PTPRR: variants seen among roughly 807,000 people sequenced by gnomAD.
The protein encoded by PTPRR is protein tyrosine phosphatase receptor type R, also known as receptor-type tyrosine-protein phosphatase R.
Under a neutral mutation model 77.2 loss-of-function variants are expected in PTPRR, and 38 were observed. The ratio of observed to expected loss-of-function variants is 0.49; its 90% CI spans 0.38 to 0.65. The LOEUF is 0.65. Among genes scored for constraint, PTPRR ranks in the 30% least tolerant of loss-of-function variants. PTPRR has a pLI of 0.00. For missense variants in PTPRR, 744 were observed against 799.2 expected (o/e 0.93, Z 0.83); for synonymous variants, 299 against 283.1 (o/e 1.06, Z -0.57).
Position 70,899,243 on chromosome 12 carries a change from C to A in PTPRR, c.59-6266G>T, listed in dbSNP as rs73333921. Among the ~76,000 whole-genome samples the A allele has an allele frequency of 5.4e-3, 820 of 151,180 alleles. 14 individuals carry two copies. Among genetic ancestry groups the A allele is most frequent in the African/African-American group, 0.018 (756 of 41,372 alleles). On this transcript the variant is annotated intron_variant, in intron 1 of 13. Coordinates refer to ENST00000283228, the MANE Select transcript of PTPRR (RefSeq NM_002849.4). ...GATGAAGCCAAAATTACCCTGATAACAAAAGCAGATAGAGACAATCCTAAA... is the reference window on the plus strand; with the variant it reads ...GATGAAGCCAAAATTACCCTGATAAAAAAAGCAGATAGAGACAATCCTAAA...
At chr12:70,660,705 C>G (rs552167597) in intron 12 of PTPRR, among the ~76,000 whole-genome samples, 2 of 152,318 alleles carry the variant, frequency 1.3e-5, no homozygotes, top group African/African-American at 4.8e-5. Flanking sequence ...TTATTACGAA[C>G]TTGTATTTCG....
chr12:70,774,517 A>G (rs913317724), intron 2 of PTPRR, among the ~76,000 whole-genome samples: 31 of 152,176 alleles, frequency 2.0e-4, no homozygotes, highest in Admixed American at 1.7e-3. Flanking sequence ...TAGACTACCC[A>G]ACTATAGTGA....
chr12:70,884,906 G>T (rs1015249087), intron 2 of PTPRR, among the ~76,000 whole-genome samples: 2 of 135,164 alleles, frequency 1.5e-5, no homozygotes, highest in African/African-American at 6.4e-5. Flanking sequence ...AGTTTTGCAG[G>T]CTCCAACATA....
rs140468259 is a variant in PTPRR at position 70,748,759 on chromosome 12, C to T, written c.739-2673G>A. Among the ~76,000 whole-genome samples the T allele has an allele frequency of 8.2e-3, 1,253 of 152,248 alleles. 17 individuals carry two copies. Among genetic ancestry groups the T allele is most frequent in the Non-Finnish European group, 0.013 (888 of 68,012 alleles). ...TGTCAAATGTGTTCAGATTTCAAAA[C>T]GATGCCACCAACCACTAGTCTTTAA... On this transcript the variant is annotated intron_variant, in intron 5 of 13. Coordinates refer to ENST00000283228, the MANE Select transcript of PTPRR (RefSeq NM_002849.4).
chr12:70,901,759 T>C (rs1893538157), intron 1 of PTPRR, among the ~76,000 whole-genome samples: 1 of 151,730 alleles, frequency 6.6e-6, no homozygotes, highest in Admixed American at 6.6e-5. Flanking sequence ...TAGTTGGGAC[T>C]TAATCATTAA....
At chr12:70,812,949 T>A (rs950852165) in intron 2 of PTPRR, among the ~76,000 whole-genome samples, 1 of 152,248 alleles carries the variant, frequency 6.6e-6, no homozygotes, top group Admixed American at 6.5e-5. Context: ...TTCTGCTTTC[T>A]GAAAATCAAT....
chr12:70,658,400 G>C (rs1183960465), intron 12 of PTPRR, among the ~76,000 whole-genome samples: 1 of 152,228 alleles, frequency 6.6e-6, no homozygotes, highest in Admixed American at 6.5e-5. Flanking sequence ...TTGAATGTGA[G>C]TGCAGAGGAA....
chr12:70,764,610 A>T, intron 3 of PTPRR, 55 bp downstream of exon 3: 1 of 1,434,648 alleles, frequency 7.0e-7, no homozygotes, highest in Non-Finnish European at 9.8e-7. Flanking sequence ...TTTAGTGATT[A>T]AAAAAACCAC....
At chr12:70,663,587 A>G (rs763128423) in intron 10 of PTPRR, among the ~76,000 whole-genome samples, 1 of 152,226 alleles carries the variant, frequency 6.6e-6, no homozygotes, top group Non-Finnish European at 1.5e-5. Context: ...ATCATTATTA[A>G]ATAAAAATTG....
At chr12:70,907,946 G>A (rs554386707) in intron 1 of PTPRR, among the ~76,000 whole-genome samples, 14 of 152,308 alleles carry the variant, frequency 9.2e-5, no homozygotes, top group African/African-American at 3.4e-4. Context: ...GAAATCACAG[G>A]AGTTCAGTTC....
intron 13 of PTPRR, among the ~76,000 whole-genome samples, chr12:70,650,427 C>CA (rs1393354081): frequency 4.0e-5 from 6 of 150,172 alleles, no homozygotes; most frequent in Non-Finnish European, 7.4e-5. Flanking sequence ...AATTCCATCT[C>CA]AAAAAAACAA....
chr12:70,802,110 T>C (rs368401098), intron 2 of PTPRR, among the ~76,000 whole-genome samples: 2 of 152,188 alleles, frequency 1.3e-5, no homozygotes, highest in African/African-American at 4.8e-5. Context: ...CCCTCTACTT[T>C]AGCTCCTTTT....
chr12:70,891,710 G>GA (rs1427296020), intron 2 of PTPRR, among the ~76,000 whole-genome samples: 1 of 151,952 alleles, frequency 6.6e-6, no homozygotes, highest in Non-Finnish European at 1.5e-5. Context: ...TGAAAACATT[G>GA]ACGAATGGAA....
chr12:70,744,784 G>A (rs1890159617), intron 6 of PTPRR, among the ~76,000 whole-genome samples: 1 of 152,140 alleles, frequency 6.6e-6, no homozygotes, highest in Non-Finnish European at 1.5e-5. Flanking sequence ...ATGAACCTGG[G>A]ATATTACTTT....
intron 1 of PTPRR, among the ~76,000 whole-genome samples, chr12:70,911,420 C>T (rs1191342088): frequency 2.0e-5 from 3 of 152,094 alleles, no homozygotes; most frequent in Non-Finnish European, 4.4e-5. Flanking sequence ...GAAGATGTAT[C>T]CTAGGACAAG....
At chr12:70,672,869 T>C (rs763697639) in intron 10 of PTPRR, 1 of 1,559,184 alleles carries the variant, frequency 6.4e-7, no homozygotes, top group Admixed American at 1.7e-5. Context: ...TGATGGCTCC[T>C]GCACAGGCCC....
At position 70,768,777 on chromosome 12, in the gene PTPRR, C is replaced by T. The variant is rs532166228; in HGVS notation, c.358-3999G>A. Among the ~76,000 whole-genome samples the T allele has an allele frequency of 5.3e-4, 80 of 151,864 alleles. No individual in the cohort carries two copies. In the South Asian group the frequency reaches 0.013, roughly 25 times the overall value. On this transcript the variant is annotated intron_variant, in intron 2 of 13. Coordinates refer to ENST00000283228, the MANE Select transcript of PTPRR (RefSeq NM_002849.4). ...AATCCTCAATAAAATACGGGCAAAC[C>T]GAATCCAGCAGCACATCAAAAAGCT...
At chr12:70,843,165 C>T (rs1009618168) in intron 2 of PTPRR, among the ~76,000 whole-genome samples, 5 of 151,974 alleles carry the variant, frequency 3.3e-5, no homozygotes, top group African/African-American at 1.2e-4. Flanking sequence ...AAAGAGCAGC[C>T]ACTGAAAAAA....
chr12:70,746,479 G>T (rs1890218582), intron 5 of PTPRR, among the ~76,000 whole-genome samples: 1 of 152,098 alleles, frequency 6.6e-6, no homozygotes, highest in South Asian at 2.1e-4. Context: ...ATCCAACATG[G>T]CTTAGTAGAA....
Sources: allele counts gnomAD v4.1 joint callset (sites outside exome capture counted in the v4.1 genomes callset), GRCh38; gene constraint gnomAD v4.1.1; transcripts MANE v1.5; gene names NCBI Gene and HGNC (gene_info 2026-07-23, HGNC 2026-07-21).